VPS8: variants seen among roughly 807,000 people sequenced by gnomAD.
The protein encoded by VPS8 is vacuolar protein sorting-associated protein 8 homolog.
In VPS8, 129 loss-of-function variants were observed where a neutral mutation model predicts 216.4. That is an observed-to-expected ratio of 0.60 (90% CI 0.52 to 0.69). The LOEUF (loss-of-function observed/expected upper bound fraction) is 0.69, where lower values mean the gene tolerates loss of function less well. Ranked by LOEUF, VPS8 falls within the 30% of genes least tolerant of loss-of-function variation. The probability of loss-of-function intolerance (pLI) is 0.00; values close to 1 mark genes in which losing one functional copy is unlikely to be tolerated. For synonymous variants in VPS8, 571 were observed against 565.4 expected, an observed-to-expected ratio of 1.01 and a Z score of -0.14; for missense variants, 1,531 against 1,683.5, an observed-to-expected ratio of 0.91 and a Z score of 1.59.
intron 25 of VPS8, among the ~76,000 whole-genome samples, chr3:184,911,321 C>T (rs765646629): frequency 3.3e-4 from 50 of 152,186 alleles, no homozygotes; most frequent in Non-Finnish European, 6.2e-4. Context: ...TAAACAAATA[C>T]GTTTAGCTCT....
intron 30 of VPS8, among the ~76,000 whole-genome samples, chr3:184,925,702 C>T (rs75037612): frequency 7.0e-4 from 107 of 151,876 alleles, no homozygotes; most frequent in African/African-American, 2.5e-3. Flanking sequence ...TCCATGGTAT[C>T]GTATCAGGAA....
rs1471678936 is a variant in VPS8 at position 184,928,454 on chromosome 3, C to A, written c.2635C>A (p.Leu879Ile). Residue 879 changes from leucine (L) to isoleucine (I), a missense_variant, in exon 32 of 48, where the codon CTT becomes ATT. Leu to Ile is a conservative substitution (Grantham distance 5, BLOSUM62 2). Transcript: ENST00000625842. ...CTCATTTATTGTAAATACTCAGGTC[C>A]TTTTAGAATTGCTGCAGGCTGGAGG... ...DSRHSERQQV[L>I]LELLQAGGIV... is the part of the protein sequence containing the mutation. 2 of 1,530,918 alleles carry A rather than the reference C, an allele frequency of 1.3e-6. No homozygotes were observed. Among genetic ancestry groups the A allele is most frequent in the African/African-American group, 2.9e-5 (2 of 69,166 alleles). The allele number at this position is 1,530,918 out of a possible 1,614,324, so 94.8% of individuals were successfully genotyped here.
chr3:184,906,627 T>C (rs576623449), intron 25 of VPS8, among the ~76,000 whole-genome samples: 2 of 152,152 alleles, frequency 1.3e-5, no homozygotes, highest in East Asian at 3.9e-4. Flanking sequence ...AGAAGGGAGA[T>C]GGGGAAATAG....
intron 46 of VPS8, among the ~76,000 whole-genome samples, chr3:185,038,378 A>G (rs1330893028): frequency 6.6e-6 from 1 of 152,216 alleles, no homozygotes; most frequent in Non-Finnish European, 1.5e-5. Context: ...TTATAAACTA[A>G]TCCAGTCAAA....
chr3:185,011,616 A>C (rs7614215), intron 45 of VPS8, among the ~76,000 whole-genome samples: 139,567 of 152,228 alleles, frequency 0.92, 64,660 homozygotes, highest in Non-Finnish European at 0.98. Context: ...CTGAGTTTTG[A>C]ATGTAAATGT....
chr3:184,864,957 GT>G (rs1727061029), intron 16 of VPS8, among the ~76,000 whole-genome samples: 1 of 152,120 alleles, frequency 6.6e-6, no homozygotes, highest in South Asian at 2.1e-4. Flanking sequence ...AGTTAAAAAA[GT>G]TAAGTAGAGA....
chr3:184,978,101 CA>C (rs1749603960), intron 40 of VPS8, among the ~76,000 whole-genome samples: 1 of 151,692 alleles, frequency 6.6e-6, no homozygotes, highest in African/African-American at 2.4e-5. Context: ...ATTACTGCTT[CA>C]ATTTCAGAAC....
chr3:184,920,367 T>A (rs1385365960), intron 29 of VPS8, among the ~76,000 whole-genome samples, 169 bp downstream of exon 29: 2 of 152,188 alleles, frequency 1.3e-5, no homozygotes, highest in Non-Finnish European at 2.9e-5. Context: ...ACTAATTATT[T>A]ATTTTAAAAA....
chr3:185,046,955 T>C (rs1713062692), intron 46 of VPS8, among the ~76,000 whole-genome samples: 1 of 152,204 alleles, frequency 6.6e-6, no homozygotes, highest in Non-Finnish European at 1.5e-5. Context: ...AGATGATGAC[T>C]CTGTGGCTGC....
chr3:184,989,014 C>T (rs890043497), intron 42 of VPS8, among the ~76,000 whole-genome samples: 7 of 152,180 alleles, frequency 4.6e-5, no homozygotes, highest in African/African-American at 7.2e-5. Context: ...GCTATAATCA[C>T]TTAATTGTTT....
At chr3:184,899,331 G>A (rs970431005) in intron 24 of VPS8, among the ~76,000 whole-genome samples, 1 of 152,176 alleles carries the variant, frequency 6.6e-6, no homozygotes, top group African/African-American at 2.4e-5. Flanking sequence ...CTCAAAAAAA[G>A]CAGGCCTCTG....
chr3:184,921,586 T>C (rs1415785667), intron 29 of VPS8, among the ~76,000 whole-genome samples: 1 of 152,146 alleles, frequency 6.6e-6, no homozygotes, highest in East Asian at 1.9e-4. Flanking sequence ...TTCTTCTTTT[T>C]TTTTTGAGAC....
chr3:184,985,155 TATC>T (rs572741167), intron 42 of VPS8, among the ~76,000 whole-genome samples: 114 of 152,308 alleles, frequency 7.5e-4, no homozygotes, highest in African/African-American at 2.6e-3. Flanking sequence ...CTTTCACAGA[TATC>T]ATTTCATTTG....
At chr3:185,001,009 A>G (rs1443383116) in intron 45 of VPS8, among the ~76,000 whole-genome samples, 1 of 152,166 alleles carries the variant, frequency 6.6e-6, no homozygotes. Flanking sequence ...TCTACTCTCC[A>G]GTGGTAGCCT....
At chr3:184,861,284 A>C (rs893534117) in intron 15 of VPS8, among the ~76,000 whole-genome samples, 2 of 152,220 alleles carry the variant, frequency 1.3e-5, no homozygotes, top group Non-Finnish European at 2.9e-5. Flanking sequence ...CATTCTGTAG[A>C]TGCATGAATA....
Position 184,881,337 on chromosome 3 carries a change from A to G in VPS8, c.1735-4773A>G, listed in dbSNP as rs565670316. 3.3e-5 allele frequency among the ~76,000 whole-genome samples: 5 copies of G among 152,266 alleles called. No homozygotes were observed. In the South Asian group the frequency reaches 6.2e-4, roughly 19 times the overall value. On this transcript the variant is annotated intron_variant, in intron 21 of 47. Coordinates refer to ENST00000625842, the MANE Select transcript of VPS8 (RefSeq NM_001009921.3). Reference sequence around the variant, plus strand: ...AATTTTTACATAAGATATGAGACTGAGGTCGAAGTTCCTTTGTGTGTGTGT... The same window carrying G: ...AATTTTTACATAAGATATGAGACTGGGGTCGAAGTTCCTTTGTGTGTGTGT...
chr3:185,024,275 G>A, intron 45 of VPS8, 61 bp from the exon 46 acceptor site: 2 of 1,414,760 alleles, frequency 1.4e-6, no homozygotes, highest in Non-Finnish European at 9.7e-7. Flanking sequence ...TTTTGAATGT[G>A]GGTCAGACAA....
intron 7 of VPS8, 57 bp downstream of exon 7, chr3:184,839,809 A>G: frequency 6.5e-7 from 1 of 1,548,216 alleles, no homozygotes; most frequent in Non-Finnish European, 8.7e-7. Context: ...TGGGTTTTAT[A>G]ATGTCCTTTA....
At chr3:184,886,923 A>G (rs985662640) in intron 22 of VPS8, among the ~76,000 whole-genome samples, 1 of 152,156 alleles carries the variant, frequency 6.6e-6, no homozygotes, top group Non-Finnish European at 1.5e-5. Flanking sequence ...ATAGTATTTT[A>G]TACTATTCAA....
Sources: allele counts gnomAD v4.1 joint callset (sites outside exome capture counted in the v4.1 genomes callset), GRCh38; gene constraint gnomAD v4.1.1; transcripts MANE v1.5; gene names NCBI Gene and HGNC (gene_info 2026-07-23, HGNC 2026-07-21).